ITGBL1: variants seen among roughly 807,000 people sequenced by gnomAD.
ITGBL1 encodes integrin beta-like protein 1.
A neutral mutation model predicts 68.5 loss-of-function variants in ITGBL1; 51 were observed. That is an observed-to-expected ratio of 0.74 (90% CI 0.59 to 0.94). The LOEUF (loss-of-function observed/expected upper bound fraction) is 0.94, where lower values mean the gene tolerates loss of function less well. Among genes scored for constraint, ITGBL1 ranks in the 40% least tolerant of loss-of-function variants. The pLI is 0.00. For synonymous variants in ITGBL1, 209 were observed against 227.3 expected (o/e 0.92, Z 0.72); for missense variants, 649 against 647.4 (o/e 1.00, Z -0.03).
At chr13:101,653,008 A>G (rs2032798350) in intron 7 of ITGBL1, among the ~76,000 whole-genome samples, 1 of 152,102 alleles carries the variant, frequency 6.6e-6, no homozygotes, top group Admixed American at 6.6e-5. Context: ...AAGCAGGAGA[A>G]TTGCTCGAAC....
intron 7 of ITGBL1, among the ~76,000 whole-genome samples, chr13:101,624,817 G>A (rs1201774790): frequency 2.0e-5 from 3 of 152,212 alleles, no homozygotes; most frequent in Non-Finnish European, 4.4e-5. Flanking sequence ...CCAAACTGCA[G>A]CATCATTCAT....
intron 2 of ITGBL1, among the ~76,000 whole-genome samples, chr13:101,539,819 T>C (rs909144364): frequency 6.6e-5 from 10 of 152,144 alleles, no homozygotes; most frequent in African/African-American, 2.4e-4. Flanking sequence ...TGAGCATTTT[T>C]TCATGTGTCT....
intron 3 of ITGBL1, among the ~76,000 whole-genome samples, chr13:101,573,278 G>C (rs146724370): frequency 0.012 from 1,753 of 152,182 alleles, 34 homozygotes; most frequent in African/African-American, 0.04. Flanking sequence ...TTAGCTTTTA[G>C]GGAAAAATGC....
chr13:101,553,989 G>A (rs9557700), intron 2 of ITGBL1, among the ~76,000 whole-genome samples: 39,855 of 151,762 alleles, frequency 0.26, 5,734 homozygotes, highest in East Asian at 0.44. Flanking sequence ...GGTCAGGCTG[G>A]TCTCGAACTC....
chr13:101,471,030 C>A (rs2048449844), intron 2 of ITGBL1, among the ~76,000 whole-genome samples: 1 of 152,138 alleles, frequency 6.6e-6, no homozygotes. Flanking sequence ...TAAGTTACAC[C>A]ATTTAGTACA....
chr13:101,576,938 C>A (rs2050370595), intron 4 of ITGBL1, among the ~76,000 whole-genome samples: 1 of 133,484 alleles, frequency 7.5e-6, no homozygotes, highest in African/African-American at 2.6e-5. Flanking sequence ...GTTTAGTTTC[C>A]AATTATTATA....
intron 7 of ITGBL1, among the ~76,000 whole-genome samples, chr13:101,601,413 G>T (rs949976610): frequency 3.3e-5 from 5 of 152,020 alleles, no homozygotes; most frequent in African/African-American, 1.2e-4. Context: ...TTTTTTGAAG[G>T]GTTTTTTGTG....
At chr13:101,689,173 G>A (rs1437279151) in intron 7 of ITGBL1, among the ~76,000 whole-genome samples, 1 of 129,852 alleles carries the variant, frequency 7.7e-6, no homozygotes, top group African/African-American at 2.9e-5. Flanking sequence ...ACACTGCACT[G>A]CCAGCACTCA....
intron 2 of ITGBL1, among the ~76,000 whole-genome samples, chr13:101,560,394 G>A (rs1384981427): frequency 6.6e-6 from 1 of 152,124 alleles, no homozygotes; most frequent in African/African-American, 2.4e-5. Context: ...CCTATTTCAA[G>A]GTTATCATGA....
intron 2 of ITGBL1, among the ~76,000 whole-genome samples, chr13:101,489,333 T>TA (rs1243489029): frequency 7.2e-5 from 11 of 152,316 alleles, no homozygotes; most frequent in African/African-American, 2.2e-4. Context: ...CAGGTGGTGT[T>TA]AAAAATCAAA....
intron 2 of ITGBL1, among the ~76,000 whole-genome samples, chr13:101,472,517 G>A (rs1473936384): frequency 6.6e-6 from 1 of 152,126 alleles, no homozygotes; most frequent in Admixed American, 6.5e-5. Context: ...CAAGAGTATT[G>A]GAAGCAGTCA....
At position 101,452,812 on chromosome 13, in the gene ITGBL1, C is replaced by G; in HGVS notation, c.-22C>G. ...CCACCTTGCAGAAGTGCAGCTCGCC[C>G]GGAGCAGCCCAGGAGCTCAGCATGC... is the stretch of plus-strand genomic sequence containing the variant. On this transcript the variant is annotated 5_prime_UTR_variant, in exon 1 of 11. Coordinates refer to ENST00000376180, the MANE Select transcript of ITGBL1 (RefSeq NM_004791.3). 1 of 1,605,592 alleles carries G rather than the reference C, an allele frequency of 6.2e-7. No individual in the cohort carries two copies. Among genetic ancestry groups the G allele is most frequent in the Non-Finnish European group, 8.5e-7 (1 of 1,172,626 alleles).
intron 8 of ITGBL1, among the ~76,000 whole-genome samples, chr13:101,693,884 G>A (rs900983259): frequency 5.3e-5 from 8 of 152,088 alleles, no homozygotes; most frequent in African/African-American, 1.4e-4. Flanking sequence ...TGGAGCAGTA[G>A]GATATAAAAA....
chr13:101,492,590 C>G (rs1259996617), intron 2 of ITGBL1, among the ~76,000 whole-genome samples: 1 of 152,172 alleles, frequency 6.6e-6, no homozygotes, highest in Admixed American at 6.5e-5. Flanking sequence ...TTCTGTGGGT[C>G]TACTCCTCTG....
intron 2 of ITGBL1, among the ~76,000 whole-genome samples, chr13:101,557,266 TATC>T (rs2050023122): frequency 6.6e-6 from 1 of 152,234 alleles, no homozygotes; most frequent in Non-Finnish European, 1.5e-5. Flanking sequence ...GCATGTTAAA[TATC>T]ATCTCATTAC....
At chr13:101,542,805 G>A (rs76417900) in intron 2 of ITGBL1, among the ~76,000 whole-genome samples, 123,822 of 152,122 alleles carry the variant, frequency 0.81, 50,588 homozygotes, top group African/African-American at 0.9. Flanking sequence ...CTTTACTATT[G>A]TGTAATGGCC....
rs575420784 is a variant in ITGBL1 at position 101,527,126 on chromosome 13, G to T, written c.317-40573G>T. Among the ~76,000 whole-genome samples, 13 of 151,674 alleles carry T rather than the reference G, an allele frequency of 8.6e-5. No individual in the cohort carries two copies. In the South Asian group the frequency reaches 2.3e-3, roughly 27 times the overall value. On this transcript the variant is annotated intron_variant, in intron 2 of 10. Transcript: ENST00000376180. ...AGATAAAATTTGACTTCAATGAATCGCACCCATTTAAAGTATACACTTTAG... is the reference window on the plus strand; with the variant it reads ...AGATAAAATTTGACTTCAATGAATCTCACCCATTTAAAGTATACACTTTAG...
At chr13:101,640,559 C>T (rs146180626) in intron 7 of ITGBL1, among the ~76,000 whole-genome samples, 1,816 of 152,236 alleles carry the variant, frequency 0.012, 15 homozygotes, top group Non-Finnish European at 0.02. Context: ...CAGAAGAACG[C>T]ACACTTTTCT....
chr13:101,582,541 T>G (rs901179774), intron 5 of ITGBL1, among the ~76,000 whole-genome samples: 17 of 152,290 alleles, frequency 1.1e-4, no homozygotes, highest in Admixed American at 5.9e-4. Flanking sequence ...AATGACCAAG[T>G]TTATGTCTCT....
Sources: allele counts gnomAD v4.1 joint callset (sites outside exome capture counted in the v4.1 genomes callset), GRCh38; gene constraint gnomAD v4.1.1; transcripts MANE v1.5; gene names NCBI Gene and HGNC (gene_info 2026-07-23, HGNC 2026-07-21).